The following KIF1B variants were observed in gnomAD, a reference collection of about 807,000 sequenced individuals.
KIF1B encodes kinesin family member 1B.
In KIF1B, 76 loss-of-function variants were observed where a neutral mutation model predicts 241.9. The ratio of observed to expected loss-of-function variants is 0.31; its 90% CI spans 0.26 to 0.38. KIF1B has a LOEUF of 0.38. Ranked by LOEUF, KIF1B falls within the 10% of genes least tolerant of loss-of-function variation. The pLI, the probability that KIF1B is intolerant of heterozygous loss-of-function variation, is 1.00. For synonymous variants in KIF1B, 750 were observed against 796.7 expected, an observed-to-expected ratio of 0.94 and a Z score of 0.99; for missense variants, 1,622 against 2,271.4, an observed-to-expected ratio of 0.71 and a Z score of 5.81.
intron 2 of KIF1B, among the ~76,000 whole-genome samples, chr1:10,238,092 G>A (rs572721386): frequency 6.6e-6 from 1 of 151,942 alleles, no homozygotes; most frequent in South Asian, 2.1e-4. Context: ...AGAAAGTAAT[G>A]CATTTAGGCT....
In KIF1B at chr1:10,303,447, C is replaced by T. The variant is rs746449286; in HGVS notation, c.2115+6201C>T. The T allele has an allele frequency of 6.2e-7, 1 of 1,614,202 alleles. No homozygotes were observed. Among genetic ancestry groups the T allele is most frequent in the Admixed American group, 1.7e-5 (1 of 60,024 alleles). On this transcript the variant is annotated intron_variant, in intron 22 of 48. Transcript: ENST00000676179. This position sits in a 1 kb window ranked among gnomAD's most constrained non-coding sequence, Gnocchi z 5.2. ...AGGTTGCTCTCAATGACTTCAGGCA[C>T]AGTCGGCAGGAGATTGAAGCCCTGG... is the stretch of plus-strand genomic sequence containing the variant.
chr1:10,318,539 G>T (rs532625842), intron 22 of KIF1B, among the ~76,000 whole-genome samples: 1 of 151,630 alleles, frequency 6.6e-6, no homozygotes, highest in East Asian at 1.9e-4. Flanking sequence ...GGCCAACATG[G>T]TGAAAACCCA....
rs759796019 is a variant in KIF1B at position 10,363,642 on chromosome 1, G to A, written c.4366+298G>A. ...TGGGAGGCAGAGGTTACAGTGAGCC[G>A]AGATTGTGCCACTGCACTGCAGCCT... On this transcript the variant is annotated intron_variant, in intron 41 of 48. Coordinates refer to ENST00000676179, the MANE Select transcript of KIF1B (RefSeq NM_001365951.3). 4.6e-5 allele frequency among the ~76,000 whole-genome samples: 7 copies of A among 152,128 alleles called. No homozygotes were observed. The East Asian group carries it at 9.6e-4, about 21-fold the overall frequency.
chr1:10,295,872 A>G (rs988332587), intron 19 of KIF1B, 106 bp downstream of exon 19: 32 of 990,402 alleles, frequency 3.2e-5, no homozygotes, highest in Non-Finnish European at 4.9e-5. Context: ...TTCTTATACA[A>G]TCTAATTCTG....
chr1:10,217,379 TC>T (rs1408917210), intron 1 of KIF1B, among the ~76,000 whole-genome samples: 2 of 149,376 alleles, frequency 1.3e-5, no homozygotes, highest in African/African-American at 4.9e-5. Context: ...TTGCTGTGTC[TC>T]CCAGGCTGGG....
At position 10,363,461 on chromosome 1, in the gene KIF1B, G is replaced by A. The variant is rs1253056773; in HGVS notation, c.4366+117G>A. 8.2e-6 allele frequency: 7 copies of A among 849,740 alleles called. No individual in the cohort carries two copies. The Admixed American group carries it at 1.2e-4, about 15-fold the overall frequency. 52.6% of individuals were successfully genotyped at this position (849,740 alleles called of 1,614,324 possible). A position where few individuals can be genotyped will look rare whatever the true frequency, so the allele number is the denominator to read the frequency against. On this transcript the variant is annotated intron_variant, in intron 41 of 48. Coordinates refer to ENST00000676179, the MANE Select transcript of KIF1B (RefSeq NM_001365951.3). ...AATCCCAGCGCTTTGGGAGGCCAAGGCGGGTGGATCACCTGAGTCCAGGAG... is the reference window on the plus strand; with the variant it reads ...AATCCCAGCGCTTTGGGAGGCCAAGACGGGTGGATCACCTGAGTCCAGGAG...
rs1426291596 is a variant in KIF1B at position 10,303,798 on chromosome 1, C to A, written c.2115+6552C>A. The A allele has an allele frequency of 6.2e-7, 1 of 1,614,054 alleles. No homozygotes were observed. The highest frequency in any genetic ancestry group is 8.5e-7 in the Non-Finnish European group (1 of 1,180,036). On this transcript the variant is annotated intron_variant, in intron 22 of 48. Coordinates refer to ENST00000676179, the MANE Select transcript of KIF1B (RefSeq NM_001365951.3). This position sits in a 1 kb window ranked among gnomAD's most constrained non-coding sequence, Gnocchi z 5.2. Reference sequence around the variant, plus strand: ...CTCAGGAACAGAAAAGCCCAGGAAGCCACAAAGCAAAGGAGCCTGTTGGTG... The same window carrying A: ...CTCAGGAACAGAAAAGCCCAGGAAGACACAAAGCAAAGGAGCCTGTTGGTG...
At chr1:10,305,236 A>C (rs186304832) in intron 22 of KIF1B, 7 of 1,043,876 alleles carry the variant, frequency 6.7e-6, no homozygotes, top group African/African-American at 6.7e-5. Flanking sequence ...TGCATCTTCC[A>C]CACAACTTCC....
intron 2 of KIF1B, among the ~76,000 whole-genome samples, chr1:10,239,960 G>T (rs2102146394): frequency 6.6e-6 from 1 of 152,176 alleles, no homozygotes; most frequent in East Asian, 1.9e-4. Context: ...TAGAGATGGG[G>T]TTTCACCGTG....
chr1:10,225,511 G>T (rs1205384627), intron 1 of KIF1B, among the ~76,000 whole-genome samples: 5 of 152,112 alleles, frequency 3.3e-5, no homozygotes, highest in African/African-American at 1.2e-4. Context: ...TCTGCCTTGG[G>T]TAAGGTCAAT....
intron 7 of KIF1B, among the ~76,000 whole-genome samples, chr1:10,270,202 A>G (rs1014862773): frequency 1.3e-5 from 2 of 152,212 alleles, no homozygotes; most frequent in Admixed American, 1.3e-4. Context: ...TTTATTCTCA[A>G]AAGTTGCCTC....
rs1307513473 is a variant in KIF1B, at chr1:10,377,984, CAGCTCCCTTTGATCAAAGAAATAT to C, written c.*1402_*1425del. The C allele has an allele frequency of 7.1e-6, 2 of 281,596 alleles. No homozygotes were observed. The highest frequency in any genetic ancestry group is 1.4e-5 in the Non-Finnish European group (2 of 147,766). The allele number at this position is 281,596 out of a possible 1,614,324, so 17.4% of individuals were successfully genotyped here. A position where few individuals can be genotyped will look rare whatever the true frequency, so the allele number is the denominator to read the frequency against. On this transcript the variant is annotated 3_prime_UTR_variant, in exon 49 of 49. Coordinates refer to ENST00000676179, the MANE Select transcript of KIF1B (RefSeq NM_001365951.3). ...CTGGGTAGTGACCTTGTGATTGTTA[CAGCTCCCTTTGATCAAAGAAATAT>C]AGCTTTCAGGCATAAACCTGGAAGT...
chr1:10,274,944 A>G (rs201770418), intron 10 of KIF1B: 1 of 392,418 alleles, frequency 2.5e-6, no homozygotes, highest in East Asian at 8.5e-5. Flanking sequence ...TGATATGGAC[A>G]GGATATTAGG....
At chr1:10,270,851 AGGAGGT>A (rs904905589) in intron 7 of KIF1B, among the ~76,000 whole-genome samples, 15 of 151,478 alleles carry the variant, frequency 9.9e-5, no homozygotes, top group African/African-American at 3.6e-4. Context: ...GTTTGAACCC[AGGAGGT>A]GGAGGTTGCA....
In KIF1B at chr1:10,277,518, G is replaced by A. The variant is rs146298854; in HGVS notation, c.1038-468G>A. ...CCTGGCTAATTTTTAAAAATTTCTTGTAGAGATGGGGGGTCTTGTTAGGTT... is the reference window on the plus strand; with the variant it reads ...CCTGGCTAATTTTTAAAAATTTCTTATAGAGATGGGGGGTCTTGTTAGGTT... On this transcript the variant is annotated intron_variant, in intron 12 of 48. Transcript: ENST00000676179. Among the ~76,000 whole-genome samples the A allele has an allele frequency of 8.5e-3, 1,292 of 152,150 alleles. 22 individuals are homozygous for A. Among genetic ancestry groups the A allele is most frequent in the African/African-American group, 0.029 (1,213 of 41,502 alleles).
At chr1:10,221,424 G>A (rs1024877236) in intron 1 of KIF1B, among the ~76,000 whole-genome samples, 2 of 152,026 alleles carry the variant, frequency 1.3e-5, no homozygotes, top group Non-Finnish European at 2.9e-5. Flanking sequence ...GATTCATTTT[G>A]AACTTCCACA....
intron 15 of KIF1B, among the ~76,000 whole-genome samples, chr1:10,285,774 C>T (rs1201473645): frequency 6.6e-6 from 1 of 152,128 alleles, no homozygotes; most frequent in African/African-American, 2.4e-5. Flanking sequence ...TCCGTAGCGC[C>T]AGGGCAATGG....
At position 10,314,540 on chromosome 1, in the gene KIF1B, G is replaced by A. The variant is rs189618034; in HGVS notation, c.2116-5503G>A. Among the ~76,000 whole-genome samples the A allele has an allele frequency of 1.9e-4, 28 of 151,230 alleles. 1 individual carries two copies. The highest frequency in any genetic ancestry group is 6.4e-4 in the African/African-American group (26 of 40,660). On this transcript the variant is annotated intron_variant, in intron 22 of 48. Transcript: ENST00000676179. ...GCTCAAGTGATCCTCCCACCTTAGC[G>A]TCCCGAGTAACTGGGACTACATATG...
In KIF1B at chr1:10,337,443, T is replaced by C; in HGVS notation, c.3332T>C (p.Leu1111Pro). 1.9e-6 allele frequency: 3 copies of C among 1,614,176 alleles called. No homozygotes were observed. The highest frequency in any genetic ancestry group is 2.5e-6 in the Non-Finnish European group (3 of 1,180,004). ...TTTTCTGAAGAGATTGGCAACCACC[T>C]GAAACTGGGCAGTGCCTTCACTTTC... is the stretch of plus-strand genomic sequence containing the variant. ...EGFSEEIGNH[L>P]KLGSAFTFRV... The change falls in exon 31 of 49, where the codon CTG becomes CCG. Residue 1111 changes from leucine to proline, a missense_variant. By Grantham distance (98) the Leu-to-Pro change is moderately conservative. Coordinates refer to ENST00000676179, the MANE Select transcript of KIF1B (RefSeq NM_001365951.3). This position sits in a 1 kb window ranked among gnomAD's most constrained non-coding sequence, Gnocchi z 4.0.
Sources: allele counts gnomAD v4.1 joint callset (sites outside exome capture counted in the v4.1 genomes callset), GRCh38; gene constraint gnomAD v4.1.1; non-coding constraint Gnocchi (gnomAD v3.1); transcripts MANE v1.5; gene names NCBI Gene and HGNC (gene_info 2026-07-23, HGNC 2026-07-21).